SEMA4D: variants seen among roughly 807,000 people sequenced by gnomAD.
SEMA4D encodes the protein semaphorin-4D.
In SEMA4D, 22 loss-of-function variants were observed where a neutral mutation model predicts 74.8. The observed-to-expected ratio is 0.29, with a 90% CI of 0.21 to 0.42. The LOEUF (loss-of-function observed/expected upper bound fraction) is 0.42, where lower values mean the gene tolerates loss of function less well. SEMA4D is among the 10% of genes least tolerant of loss of function. SEMA4D has a pLI of 1.00. For missense variants in SEMA4D, 937 were observed against 1,118.4 expected, an observed-to-expected ratio of 0.84 and a Z score of 2.31; for synonymous variants, 445 against 463.7, an observed-to-expected ratio of 0.96 and a Z score of 0.52.
intron 1 of SEMA4D, among the ~76,000 whole-genome samples, chr9:89,468,072 G>C (rs1859221930): frequency 6.6e-6 from 1 of 152,190 alleles, no homozygotes; most frequent in Non-Finnish European, 1.5e-5. Context: ...GGTAGTCGTG[G>C]TGTTAGGCCT....
At chr9:89,391,215 A>G (rs1467675715) in intron 9 of SEMA4D, 49 bp downstream of exon 9, 11 of 1,589,220 alleles carry the variant, frequency 6.9e-6, no homozygotes, top group Middle Eastern at 1.7e-4. Flanking sequence ...ATCCAGGCAC[A>G]CTATTGCCAT....
chr9:89,379,305 G>C lies in SEMA4D; in HGVS notation c.1988C>G (p.Thr663Arg). ...VVAPTLSVVQ[T>R]EGSRIATKVL... Reference sequence around the variant, plus strand: ...TTTGGTGGCAATCCTACTACCTTCTGTCTGAACAACTGACAAGGTGGGGGC... The same window carrying C: ...TTTGGTGGCAATCCTACTACCTTCTCTCTGAACAACTGACAAGGTGGGGGC... Residue 663 changes from threonine to arginine, a missense_variant, in exon 16 of 16, where the codon ACA (threonine) becomes AGA (arginine). Coordinates refer to ENST00000422704, the MANE Select transcript of SEMA4D (RefSeq NM_001371194.2). 3 of 1,614,194 alleles carry C rather than the reference G, an allele frequency of 1.9e-6. No homozygotes were observed. Among genetic ancestry groups the C allele is most frequent in the South Asian group, 1.1e-5 (1 of 91,082 alleles).
Position 89,419,426 on chromosome 9 carries a change from A to G in SEMA4D, c.-243-13727T>C, listed in dbSNP as rs551023979. ...ACAACTGCTGGACAAGCAAAGAGGG[A>G]AAGTCCACGCTACTGTGGGCACCTG... On this transcript the variant is annotated intron_variant, in intron 2 of 15. Transcript: ENST00000422704. Among the ~76,000 whole-genome samples, 3 of 152,282 alleles carry G rather than the reference A, an allele frequency of 2.0e-5. No homozygotes were observed. In the South Asian group the frequency reaches 6.2e-4, roughly 32 times the overall value.
At chr9:89,392,280 C>T in intron 8 of SEMA4D, 143 bp downstream of exon 8, 1 of 604,934 alleles carries the variant, frequency 1.7e-6, no homozygotes, top group Non-Finnish European at 2.9e-6. Flanking sequence ...CATTGCTGGA[C>T]AGTTTGGGAA....
intron 1 of SEMA4D, among the ~76,000 whole-genome samples, chr9:89,497,116 T>C (rs1038104739): frequency 5.9e-5 from 9 of 152,278 alleles, no homozygotes; most frequent in African/African-American, 2.2e-4. Flanking sequence ...CTCTCCCACC[T>C]ACCCCCCAAA....
chr9:89,391,201 C>T, intron 9 of SEMA4D, 63 bp downstream of exon 9: 1 of 1,539,734 alleles, frequency 6.5e-7, no homozygotes. Context: ...AGGAGCCACC[C>T]ATCATCCAGG....
At chr9:89,395,179 A>G (rs953974949) in intron 6 of SEMA4D, among the ~76,000 whole-genome samples, 15 of 152,244 alleles carry the variant, frequency 9.9e-5, no homozygotes, top group Non-Finnish European at 2.1e-4. Context: ...TAATACCAGC[A>G]CTTTGGGAGG....
At chr9:89,431,659 A>G (rs1178671818) in intron 2 of SEMA4D, among the ~76,000 whole-genome samples, 1 of 152,076 alleles carries the variant, frequency 6.6e-6, no homozygotes, top group Admixed American at 6.5e-5. Flanking sequence ...CATCATGCTC[A>G]GCTATCTTTT....
intron 13 of SEMA4D, chr9:89,385,031 G>A (rs1229591305): frequency 1.0e-6 from 1 of 985,296 alleles, no homozygotes; most frequent in Non-Finnish European, 1.2e-6. Flanking sequence ...GGACCAGCAA[G>A]CGCTTCCCCA....
chr9:89,364,061 C>A, intron 16 of SEMA4D: 1 of 1,593,246 alleles, frequency 6.3e-7, no homozygotes, highest in South Asian at 1.1e-5. Context: ...CCTGAAGTGA[C>A]TTGGGACAAC....
At chr9:89,490,691 G>C (rs1474226140) in intron 1 of SEMA4D, among the ~76,000 whole-genome samples, 1 of 152,180 alleles carries the variant, frequency 6.6e-6, no homozygotes, top group Non-Finnish European at 1.5e-5. Flanking sequence ...ACTTAATGAT[G>C]GGTTTATGAT....
At chr9:89,395,402 C>T (rs1462366748) in intron 6 of SEMA4D, among the ~76,000 whole-genome samples, 1 of 147,070 alleles carries the variant, frequency 6.8e-6, no homozygotes, top group African/African-American at 2.5e-5. Flanking sequence ...CCAGCCTGGG[C>T]AACAAGAGTG....
At chr9:89,433,814 A>G (rs1378520617) in intron 2 of SEMA4D, among the ~76,000 whole-genome samples, 2 of 152,176 alleles carry the variant, frequency 1.3e-5, no homozygotes, top group East Asian at 1.9e-4. Context: ...GGGCTCAGAC[A>G]GTATCTCTCA....
chr9:89,416,806 C>G (rs767763797), intron 2 of SEMA4D, among the ~76,000 whole-genome samples: 49 of 152,278 alleles, frequency 3.2e-4, no homozygotes, highest in Admixed American at 7.2e-4. Context: ...CATGCTACAC[C>G]CAAGTCAGTA....
intron 2 of SEMA4D, among the ~76,000 whole-genome samples, chr9:89,430,976 T>G (rs1035961767): frequency 2.6e-5 from 4 of 152,074 alleles, no homozygotes; most frequent in African/African-American, 9.7e-5. Context: ...GACTCCATCT[T>G]GAGGGAAAAA....
chr9:89,426,067 C>G (rs1312736948), intron 2 of SEMA4D, among the ~76,000 whole-genome samples: 1 of 152,232 alleles, frequency 6.6e-6, no homozygotes, highest in Non-Finnish European at 1.5e-5. Context: ...AGAGGCATCC[C>G]TAGTCCCCAC....
At chr9:89,374,176 G>A (rs1835486018), downstream of SEMA4D, among the ~76,000 whole-genome samples, 1 of 152,196 alleles carries the variant, frequency 6.6e-6, no homozygotes, top group African/African-American at 2.4e-5. Flanking sequence ...GGTGGCGGAG[G>A]GCTGGGGGCC....
chr9:89,453,549 C>T (rs1293483803), intron 2 of SEMA4D, among the ~76,000 whole-genome samples: 1 of 152,250 alleles, frequency 6.6e-6, no homozygotes, highest in Non-Finnish European at 1.5e-5. Flanking sequence ...TTTCCAGCCA[C>T]GTCCAACAGG....
At chr9:89,494,219 A>T (rs1825834911) in intron 1 of SEMA4D, among the ~76,000 whole-genome samples, 1 of 152,236 alleles carries the variant, frequency 6.6e-6, no homozygotes, top group South Asian at 2.1e-4. Flanking sequence ...TCCAAAAATA[A>T]TTCCTTGTAA....
Sources: allele counts gnomAD v4.1 joint callset (sites outside exome capture counted in the v4.1 genomes callset), GRCh38; gene constraint gnomAD v4.1.1; transcripts MANE v1.5; gene names NCBI Gene and HGNC (gene_info 2026-07-23, HGNC 2026-07-21).